Variants in TACC2 observed in about 807,000 individuals in gnomAD.
TACC2 encodes the protein transforming acidic coiled-coil-containing protein 2.
A neutral mutation model predicts 227.3 loss-of-function variants in TACC2; 137 were observed. The observed-to-expected ratio is 0.60, with a 90% CI of 0.52 to 0.69. TACC2 has a LOEUF of 0.69. Ranked by LOEUF, TACC2 falls within the 30% of genes least tolerant of loss-of-function variation. The probability of loss-of-function intolerance (pLI) is 0.00; values close to 1 mark genes in which losing one functional copy is unlikely to be tolerated. For missense variants in TACC2, 3,470 were observed against 3,694.4 expected (o/e 0.94, Z 1.57); for synonymous variants, 1,523 against 1,487.5 (o/e 1.02, Z -0.55).
chr10:122,203,270 C>T (rs1468165099), intron 8 of TACC2, among the ~76,000 whole-genome samples: 8 of 139,324 alleles, frequency 5.7e-5, no homozygotes, highest in Admixed American at 1.4e-4. Flanking sequence ...CCGGACGGGG[C>T]GGCTGGCCGG....
At chr10:122,234,349 A>G (rs555708199) in intron 16 of TACC2, among the ~76,000 whole-genome samples, 2 of 152,398 alleles carry the variant, frequency 1.3e-5, no homozygotes, top group East Asian at 3.9e-4. Context: ...GAAATTGGTT[A>G]CAAAGGCCAT....
At chr10:122,115,493 G>T (rs779227292) in intron 5 of TACC2, among the ~76,000 whole-genome samples, 35 of 152,178 alleles carry the variant, frequency 2.3e-4, no homozygotes, top group Non-Finnish European at 4.3e-4. Context: ...TGCTATTGGC[G>T]TCTAGTGGGG....
intron 17 of TACC2, among the ~76,000 whole-genome samples, 181 bp from the exon 18 acceptor site, chr10:122,237,780 G>A (rs1240349696): frequency 2.0e-5 from 3 of 152,236 alleles, no homozygotes; most frequent in African/African-American, 7.2e-5. Context: ...CACTGTGAAA[G>A]TCTGATATCT....
chr10:122,024,640 T>C (rs1352228386), intron 2 of TACC2, among the ~76,000 whole-genome samples: 1 of 152,232 alleles, frequency 6.6e-6, no homozygotes, highest in Admixed American at 6.5e-5. Flanking sequence ...AAGAACGTTA[T>C]ATAAATGGAG....
chr10:122,066,427 C>G (rs938357442), intron 3 of TACC2, among the ~76,000 whole-genome samples: 1 of 152,138 alleles, frequency 6.6e-6, no homozygotes. Context: ...CACCACCACA[C>G]CCAGCTAATT....
chr10:122,086,007 G>A lies in TACC2; in HGVS notation c.3507G>A (p.Gly1169=). The change falls in exon 4 of 23, where the codon GGG becomes GGA. Residue 1169 remains glycine, a synonymous_variant. Transcript: ENST00000369005. ...LLQTEHCLTS[G]EEASTSALRE... is the part of the protein sequence containing the mutation. ...AGACTGAGCACTGCCTTACCTCCGGGGAGGAAGCTTCTACCTCTGCCCTAC... is the reference window on the plus strand; with the variant it reads ...AGACTGAGCACTGCCTTACCTCCGGAGAGGAAGCTTCTACCTCTGCCCTAC... The A allele has an allele frequency of 1.2e-6, 2 of 1,613,942 alleles. No individual in the cohort carries two copies. Among genetic ancestry groups the A allele is most frequent in the Non-Finnish European group, 1.7e-6 (2 of 1,180,012 alleles).
chr10:122,132,030 GAAAA>G (rs564430394), intron 5 of TACC2, among the ~76,000 whole-genome samples: 42,446 of 111,816 alleles, frequency 0.38, 6,976 homozygotes, highest in Admixed American at 0.47. Context: ...AAAAAAGAAA[GAAAA>G]AGAAAGAAAG....
At chr10:122,112,669 C>T (rs1484866163) in intron 5 of TACC2, among the ~76,000 whole-genome samples, 1 of 152,216 alleles carries the variant, frequency 6.6e-6, no homozygotes, top group Admixed American at 6.5e-5. Context: ...CCAGTCCGTT[C>T]TCACGCCACA....
chr10:122,076,617 T>C lies in TACC2; in HGVS notation c.147-6030T>C, dbSNP rs900810299. Among the ~76,000 whole-genome samples, 5 of 152,106 alleles carry C rather than the reference T, an allele frequency of 3.3e-5. 1 individual carries two copies. The South Asian group carries it at 1.0e-3, about 32-fold the overall frequency. On this transcript the variant is annotated intron_variant, in intron 3 of 22. Coordinates refer to ENST00000369005, the MANE Select transcript of TACC2 (RefSeq NM_206862.4). ...TACTTTATAATTAGTCACAAATTAC[T>C]TGCAGTGCATGCCCTGACACATTAG...
chr10:122,121,022 A>G (rs1592246765), intron 5 of TACC2, among the ~76,000 whole-genome samples: 1 of 152,134 alleles, frequency 6.6e-6, no homozygotes, highest in Admixed American at 6.5e-5. Context: ...GGGCTCCCAA[A>G]GTGCTGGGAT....
chr10:122,004,034 G>A (rs1317687807), intron 1 of TACC2, among the ~76,000 whole-genome samples: 1 of 151,982 alleles, frequency 6.6e-6, no homozygotes, highest in African/African-American at 2.4e-5. Flanking sequence ...TTGGGAGGCC[G>A]AGGCAGGCAG....
intron 2 of TACC2, among the ~76,000 whole-genome samples, chr10:122,027,684 C>T (rs187033115): frequency 2.1e-4 from 32 of 151,954 alleles, no homozygotes; most frequent in African/African-American, 7.5e-4. Flanking sequence ...GCTGTTCTTG[C>T]ACCTATGACG....
intron 1 of TACC2, among the ~76,000 whole-genome samples, chr10:122,003,533 C>G (rs183661484): frequency 1.3e-5 from 2 of 152,272 alleles, no homozygotes; most frequent in Non-Finnish European, 2.9e-5. Flanking sequence ...GAGATCTGAC[C>G]TAACCAACTC....
chr10:122,108,771 G>A (rs527358187), intron 5 of TACC2, among the ~76,000 whole-genome samples: 16 of 133,986 alleles, frequency 1.2e-4, no homozygotes, highest in South Asian at 7.3e-4. Flanking sequence ...GTCTCGCTGC[G>A]TCACCAGGCT....
intron 7 of TACC2, among the ~76,000 whole-genome samples, chr10:122,187,983 TG>T (rs946520310): frequency 1.3e-5 from 2 of 152,104 alleles, no homozygotes; most frequent in African/African-American, 4.8e-5. Flanking sequence ...TAGTAGACTA[TG>T]GTTGTTTGTG....
At chr10:122,169,860 C>G (rs2093380271) in intron 7 of TACC2, among the ~76,000 whole-genome samples, 1 of 152,168 alleles carries the variant, frequency 6.6e-6, no homozygotes, top group African/African-American at 2.4e-5. Context: ...AAGTGATCCT[C>G]CTGCCTCAGC....
intron 1 of TACC2, among the ~76,000 whole-genome samples, chr10:121,993,057 C>T (rs1398253420): frequency 1.3e-5 from 2 of 152,066 alleles, no homozygotes; most frequent in African/African-American, 4.8e-5. Context: ...TGGTAGCTCA[C>T]ACCTGTAATC....
At chr10:122,174,496 T>C (rs1247951018) in intron 7 of TACC2, among the ~76,000 whole-genome samples, 1 of 152,172 alleles carries the variant, frequency 6.6e-6, no homozygotes, top group African/African-American at 2.4e-5. Context: ...TCTCCCTCTC[T>C]GTTGCTAAAG....
Position 122,082,583 on chromosome 10 carries a change from C to T in TACC2, c.147-64C>T, listed in dbSNP as rs548300150. The T allele has an allele frequency of 2.6e-4, 401 of 1,534,132 alleles. No homozygotes were observed. In the African/African-American group the frequency reaches 5.0e-3, roughly 19 times the overall value. On this transcript the variant is annotated intron_variant, in intron 3 of 22. Coordinates refer to ENST00000369005, the MANE Select transcript of TACC2 (RefSeq NM_206862.4). ...TTGTGGGGGTGGGTTGGGGGGTGAC[C>T]TGCCTGCAGTGTGGCTCTGTCCTTG...
Sources: gnomAD v4.1 joint callset for allele counts (sites outside exome capture counted in the v4.1 genomes callset) on GRCh38, gnomAD v4.1.1 for gene constraint, MANE v1.5 for transcripts, NCBI Gene and HGNC (gene_info 2026-07-23, HGNC 2026-07-21) for gene names.